The following C9orf72 variants were observed in gnomAD, a reference collection of about 807,000 sequenced individuals.
The protein encoded by C9orf72 is C9orf72-SMCR8 complex subunit.
Under a neutral mutation model 51.6 loss-of-function variants are expected in C9orf72, and 44 were observed. That is an observed-to-expected ratio of 0.85 (90% CI 0.67 to 1.10). The LOEUF (loss-of-function observed/expected upper bound fraction) is 1.10, where lower values mean the gene tolerates loss of function less well. Ranked by LOEUF, C9orf72 falls within the 50% of genes least tolerant of loss-of-function variation. The probability of loss-of-function intolerance (pLI) is 0.00; values close to 1 mark genes in which losing one functional copy is unlikely to be tolerated. For missense variants in C9orf72, 607 were observed against 570.6 expected, an observed-to-expected ratio of 1.06 and a Z score of -0.65; for synonymous variants, 213 against 194.2, an observed-to-expected ratio of 1.10 and a Z score of -0.81.
rs766200292 is a variant in C9orf72 at position 27,562,463 on chromosome 9, ATAATACTCTGACCCTG to A, written c.505-3_517del. 6.4e-7 allele frequency: 1 copy of A among 1,574,004 alleles called. No homozygotes were observed. Among genetic ancestry groups the A allele is most frequent in the African/African-American group, 1.4e-5 (1 of 73,160 alleles). ...AATCACTTCTCCAGTAAGCATTGGA[ATAATACTCTGACCCTG>A]CACAATAAAGTGACATGAAGTGAAG... is the stretch of plus-strand genomic sequence containing the variant. On this transcript the variant is annotated splice_acceptor_variant and splice_polypyrimidine_tract_variant and coding_sequence_variant and intron_variant, in exon 4 of 11. Transcript: ENST00000380003. LOFTEE classifies it high-confidence loss of function.
At chr9:27,551,240 T>C (rs1820900920) in intron 8 of C9orf72, among the ~76,000 whole-genome samples, 1 of 152,170 alleles carries the variant, frequency 6.6e-6, no homozygotes, top group Non-Finnish European at 1.5e-5. Context: ...CATCTGTAAG[T>C]AACATGAACC....
intron 5 of C9orf72, chr9:27,560,873 T>C: frequency 1.5e-6 from 1 of 661,832 alleles, no homozygotes. Context: ...TATAAGATAA[T>C]ACATGTAAAG....
chr9:27,568,686 T>C (rs1819523911), intron 1 of C9orf72, among the ~76,000 whole-genome samples: 1 of 152,230 alleles, frequency 6.6e-6, no homozygotes, highest in Admixed American at 6.5e-5. Flanking sequence ...GTAACCATCA[T>C]AAGGTCTTAG....
rs1203424489 is a variant in C9orf72 at position 27,573,473 on chromosome 9, A to T, written c.-87T>A. The stretch of plus-strand genomic sequence containing the variant: ...CGCCTCCGCCGCCGCGGGCGCAGGC[A>T]CCGCAACCGCAGCCCCGCCCCGGGC... On this transcript the variant is annotated 5_prime_UTR_variant, in exon 1 of 11. Transcript: ENST00000380003. The T allele has an allele frequency of 7.5e-6, 1 of 132,954 alleles. No homozygotes were observed. Among genetic ancestry groups the T allele is most frequent in the Non-Finnish European group, 1.7e-5 (1 of 59,768 alleles). The allele number at this position is 132,954 out of a possible 1,614,324, so 8.2% of individuals were successfully genotyped here.
At chr9:27,560,419 G>A (rs10967985) in intron 5 of C9orf72, 120 bp from the exon 6 acceptor site, 149,135 of 706,084 alleles carry the variant, frequency 0.21, 16,633 homozygotes, top group Non-Finnish European at 0.23. Flanking sequence ...GATAAACACC[G>A]AAGCTATAAG....
At chr9:27,561,548 T>C (rs1819348445) in intron 5 of C9orf72, 37 bp downstream of exon 5, 1 of 1,608,346 alleles carries the variant, frequency 6.2e-7, no homozygotes, top group Non-Finnish European at 8.5e-7. Flanking sequence ...AGATGGTATC[T>C]GCTTCATCCA....
intron 8 of C9orf72, chr9:27,554,633 A>G: frequency 2.5e-6 from 1 of 398,510 alleles, no homozygotes; most frequent in Non-Finnish European, 4.4e-6. Flanking sequence ...AACCTAAAAT[A>G]AAAGTCAAAA....
intron 6 of C9orf72, 157 bp from the exon 7 acceptor site, chr9:27,558,764 G>A: frequency 2.0e-6 from 1 of 507,854 alleles, no homozygotes; most frequent in Non-Finnish European, 3.5e-6. Flanking sequence ...TGTAACAGTT[G>A]TTGCTTAAAA....
chr9:27,548,280 A>C lies in C9orf72; in HGVS notation c.1402T>G (p.Phe468Val). The change falls in exon 11 of 11, where the codon TTC becomes GTC. Residue 468 changes from phenylalanine to valine, a missense_variant. Coordinates refer to ENST00000380003, the MANE Select transcript of C9orf72 (RefSeq NM_018325.5). ...GLHSFIFGRP[F>V]YTSVQERDVL... Reference sequence around the variant, plus strand: ...TCTCGTTCTTGCACACTAGTGTAGAAAGGTCTTCCAAAGATAAAAGAGTGT... The same window carrying C: ...TCTCGTTCTTGCACACTAGTGTAGACAGGTCTTCCAAAGATAAAAGAGTGT... 7 of 1,613,072 alleles carry C rather than the reference A, an allele frequency of 4.3e-6. No homozygotes were observed. The highest frequency in any genetic ancestry group is 5.9e-6 in the Non-Finnish European group (7 of 1,179,534).
intron 5 of C9orf72, 57 bp downstream of exon 5, chr9:27,561,528 G>C: frequency 1.9e-6 from 3 of 1,599,396 alleles, no homozygotes; most frequent in Non-Finnish European, 2.6e-6. Flanking sequence ...TCTTGTCATA[G>C]GTGAGCATAA....
chr9:27,555,810 G>A (rs1469258938), intron 8 of C9orf72, among the ~76,000 whole-genome samples: 2 of 151,956 alleles, frequency 1.3e-5, no homozygotes, highest in African/African-American at 2.4e-5. Flanking sequence ...TGATCCGCCT[G>A]CCTTGCACTC....
chr9:27,572,846 G>C (rs1819617404), intron 1 of C9orf72, among the ~76,000 whole-genome samples: 1 of 152,206 alleles, frequency 6.6e-6, no homozygotes, highest in African/African-American at 2.4e-5. Context: ...GAAGCAACCA[G>C]GTCATGTCCC....
rs1820814841 is a variant in C9orf72 at position 27,548,283 on chromosome 9, G to T, written c.1399C>A (p.Pro467Thr). 1.2e-6 allele frequency: 2 copies of T among 1,612,724 alleles called. No individual in the cohort carries two copies. The highest frequency in any genetic ancestry group is 1.7e-6 in the Non-Finnish European group (2 of 1,179,296). Reference protein sequence around the residue: ...PGLHSFIFGRPFYTSVQERDV... With the variant: ...PGLHSFIFGRTFYTSVQERDV... ...CGTTCTTGCACACTAGTGTAGAAAG[G>T]TCTTCCAAAGATAAAAGAGTGTAGG... Residue 467 changes from proline (P) to threonine (T), a missense_variant, in exon 11 of 11, where the codon CCT becomes ACT. Coordinates refer to ENST00000380003, the MANE Select transcript of C9orf72 (RefSeq NM_018325.5).
Position 27,556,774 on chromosome 9 carries a change from A to G in C9orf72, c.878T>C (p.Leu293Pro). The G allele has an allele frequency of 6.2e-7, 1 of 1,613,542 alleles. No individual in the cohort carries two copies. Among genetic ancestry groups the G allele is most frequent in the Non-Finnish European group, 8.5e-7 (1 of 1,179,490 alleles). Reference protein sequence around the residue: ...LLKDSTGSFVLPFRQVMYAPY... With the variant: ...LLKDSTGSFVPPFRQVMYAPY... ...AGCATACATGACTTGCCGGAAAGGC[A>G]GCACAAAGCTTCCAGTTGAATCCTG... Residue 293 changes from leucine to proline, a missense_variant, in exon 8 of 11, where the codon CTG (leucine) becomes CCG (proline). By Grantham distance (98) the Leu-to-Pro change is moderately conservative (BLOSUM62 -3). Transcript: ENST00000380003.
At chr9:27,573,219 G>A (rs1236638646) in intron 1 of C9orf72, among the ~76,000 whole-genome samples, 1 of 151,648 alleles carries the variant, frequency 6.6e-6, no homozygotes, top group Non-Finnish European at 1.5e-5. Flanking sequence ...CGCCGCCGCC[G>A]CCGCCGCCGC....
chr9:27,560,788 T>C (rs1490763000), intron 5 of C9orf72: 14 of 980,608 alleles, frequency 1.4e-5, no homozygotes, highest in Non-Finnish European at 1.7e-5. Context: ...GTGAATACTT[T>C]ATACTTTTAC....
At position 27,557,132 on chromosome 9, in the gene C9orf72, T is replaced by A. The variant is rs372989208; in HGVS notation, c.856-336A>T. Among the ~76,000 whole-genome samples, 7 of 152,032 alleles carry A rather than the reference T, an allele frequency of 4.6e-5. No individual in the cohort carries two copies. The East Asian group carries it at 1.3e-3, about 29-fold the overall frequency. On this transcript the variant is annotated intron_variant, in intron 7 of 10. Coordinates refer to ENST00000380003, the MANE Select transcript of C9orf72 (RefSeq NM_018325.5). ...GCTGTGAAAAAAGCAGATTAGAACA[T>A]GCAGAGATGATCCAGTGGGGGTGGG... is the stretch of plus-strand genomic sequence containing the variant.
chr9:27,561,705 A>G, intron 4 of C9orf72, 56 bp from the exon 5 acceptor site: 1 of 1,124,792 alleles, frequency 8.9e-7, no homozygotes, highest in East Asian at 2.4e-5. Flanking sequence ...GTGTTGAAAT[A>G]ACACTTTTAA....
At chr9:27,555,819 T>C (rs10967983) in intron 8 of C9orf72, among the ~76,000 whole-genome samples, 2 of 152,072 alleles carry the variant, frequency 1.3e-5, no homozygotes, top group African/African-American at 4.8e-5. Flanking sequence ...TGCCTTGCAC[T>C]CCCAAAGCTC....
Sources: allele counts gnomAD v4.1 joint callset (sites outside exome capture counted in the v4.1 genomes callset), GRCh38; gene constraint gnomAD v4.1.1; transcripts MANE v1.5; gene names NCBI Gene and HGNC (gene_info 2026-07-23, HGNC 2026-07-21).